The following FABP12 variants were observed in gnomAD, a reference collection of about 807,000 sequenced individuals.
FABP12 encodes the protein fatty acid-binding protein 12.
In FABP12, 19 loss-of-function variants were observed where a neutral mutation model predicts 13.7. The observed-to-expected ratio is 1.39, with a 90% CI of 0.97 to 2.04. FABP12 has a LOEUF of 2.04. Ranked by LOEUF, FABP12 falls within the 30% of genes most tolerant of loss-of-function variation. The pLI, the probability that FABP12 is intolerant of heterozygous loss-of-function variation, is 0.00. For missense variants in FABP12, 182 were observed against 164.2 expected (o/e 1.11, Z -0.59); for synonymous variants, 61 against 57.0 (o/e 1.07, Z -0.32).
intron 1 of FABP12, among the ~76,000 whole-genome samples, chr8:81,567,795 A>G (rs1308051249): frequency 6.6e-6 from 1 of 152,252 alleles, no homozygotes; most frequent in African/African-American, 2.4e-5. Flanking sequence ...CAATAAAAGC[A>G]GAAGTGGATA....
In FABP12 at chr8:81,549,228, T is replaced by TACACAC. The variant is rs10577619; in HGVS notation, c.-184-9491_-184-9486dup. On this transcript the variant is annotated intron_variant, in intron 1 of 5. Transcript: ENST00000692030. ...TCTTTCGCCTCTACACAGACACACA[T>TACACAC]ACACACACACACACACACACACACA... Among the ~76,000 whole-genome samples, 157 of 149,764 alleles carry TACACAC rather than the reference T, an allele frequency of 1.0e-3. 2 individuals are homozygous for TACACAC. Among genetic ancestry groups the TACACAC allele is most frequent in the African/African-American group, 3.7e-3 (152 of 40,746 alleles).
intron 1 of FABP12, among the ~76,000 whole-genome samples, chr8:81,579,841 T>TA (rs1206379493): frequency 4.6e-5 from 7 of 152,218 alleles, no homozygotes; most frequent in Non-Finnish European, 8.8e-5. Context: ...TTTTTATTCT[T>TA]AAAAATGTAC....
chr8:81,552,495 G>T (rs920816998), intron 1 of FABP12, among the ~76,000 whole-genome samples: 1 of 152,154 alleles, frequency 6.6e-6, no homozygotes, highest in Non-Finnish European at 1.5e-5. Flanking sequence ...GTTCACTCAG[G>T]CTACTGGATG....
intron 1 of FABP12, among the ~76,000 whole-genome samples, chr8:81,554,598 C>G (rs1005868235): frequency 1.3e-5 from 2 of 152,174 alleles, no homozygotes; most frequent in African/African-American, 4.8e-5. Flanking sequence ...CAGTAACCAA[C>G]TCATCCTGCC....
At chr8:81,573,001 T>C (rs921332036) in intron 1 of FABP12, among the ~76,000 whole-genome samples, 3 of 151,916 alleles carry the variant, frequency 2.0e-5, no homozygotes, top group African/African-American at 7.2e-5. Context: ...GCTTTTGTGT[T>C]CTTGGTCATG....
chr8:81,585,906 T>C (rs115138388), intron 1 of FABP12, among the ~76,000 whole-genome samples: 2,920 of 152,274 alleles, frequency 0.019, 66 homozygotes, highest in African/African-American at 0.056. Flanking sequence ...AAATTACATG[T>C]TGTGGGTGTT....
At chr8:81,570,827 G>A (rs1809916601) in intron 1 of FABP12, among the ~76,000 whole-genome samples, 1 of 152,104 alleles carries the variant, frequency 6.6e-6, no homozygotes, top group Admixed American at 6.5e-5. Context: ...GTTTATGAGT[G>A]GCCATGAGTG....
chr8:81,572,141 T>C (rs1456996999), intron 1 of FABP12, among the ~76,000 whole-genome samples: 1 of 149,500 alleles, frequency 6.7e-6, no homozygotes, highest in Non-Finnish European at 1.5e-5. Context: ...CAAAGTCCAT[T>C]GTATCATTCT....
At chr8:81,539,095 C>T (rs776819521) in intron 2 of FABP12, among the ~76,000 whole-genome samples, 3 of 152,126 alleles carry the variant, frequency 2.0e-5, no homozygotes, top group Non-Finnish European at 4.4e-5. Context: ...GTTATCTGCC[C>T]ACCTCGGCCT....
intron 1 of FABP12, among the ~76,000 whole-genome samples, chr8:81,568,596 A>G (rs1341583317): frequency 6.6e-6 from 1 of 152,186 alleles, no homozygotes; most frequent in Non-Finnish European, 1.5e-5. Flanking sequence ...CTAAAAATAG[A>G]ACTACCACAT....
chr8:81,553,511 AT>A (rs538151264), intron 1 of FABP12, among the ~76,000 whole-genome samples: 2 of 152,248 alleles, frequency 1.3e-5, no homozygotes, highest in African/African-American at 2.4e-5. Context: ...AATTATTATC[AT>A]TTTTTTCTGC....
At chr8:81,566,397 A>G (rs1057380014) in intron 1 of FABP12, among the ~76,000 whole-genome samples, 2 of 152,148 alleles carry the variant, frequency 1.3e-5, no homozygotes, top group Non-Finnish European at 2.9e-5. Flanking sequence ...TCTGTGATGA[A>G]CATTCATGCA....
chr8:81,561,047 C>T (rs1301465115), intron 1 of FABP12, among the ~76,000 whole-genome samples: 2 of 152,154 alleles, frequency 1.3e-5, no homozygotes, highest in Non-Finnish European at 2.9e-5. Flanking sequence ...CATGTCTTTT[C>T]TAAGAACCTC....
chr8:81,589,419 T>C (rs1263413267), intron 1 of FABP12, among the ~76,000 whole-genome samples: 2 of 151,362 alleles, frequency 1.3e-5, no homozygotes, highest in Non-Finnish European at 2.9e-5. Context: ...TTACCCTTCT[T>C]CTGTCTGCAA....
At chr8:81,541,910 TAAAAAA>T (rs1167487132) in intron 1 of FABP12, among the ~76,000 whole-genome samples, 10 of 71,148 alleles carry the variant, frequency 1.4e-4, no homozygotes, top group South Asian at 5.5e-4. Flanking sequence ...TCCCAGGGTT[TAAAAAA>T]AAAAAAAAAA....
At chr8:81,554,714 C>T (rs1563550614) in intron 1 of FABP12, among the ~76,000 whole-genome samples, 1 of 151,986 alleles carries the variant, frequency 6.6e-6, no homozygotes, top group Non-Finnish European at 1.5e-5. Flanking sequence ...ACAAGGTGTC[C>T]AATCTTTTGG....
intron 1 of FABP12, among the ~76,000 whole-genome samples, chr8:81,558,880 G>C (rs1306005611): frequency 7.7e-6 from 1 of 129,174 alleles, no homozygotes; most frequent in East Asian, 2.1e-4. Flanking sequence ...ACAAAGTAAG[G>C]CTCCATCAAA....
chr8:81,544,347 G>A (rs572203726), intron 1 of FABP12, among the ~76,000 whole-genome samples: 1 of 152,294 alleles, frequency 6.6e-6, no homozygotes, highest in Admixed American at 6.5e-5. Context: ...GGGAAAATTC[G>A]GCCTTGCCTT....
chr8:81,567,695 A>C (rs1314425302), intron 1 of FABP12, among the ~76,000 whole-genome samples: 1 of 152,254 alleles, frequency 6.6e-6, no homozygotes, highest in Admixed American at 6.5e-5. Context: ...TCCACAAACT[A>C]TGAAACTATT....
Sources: allele counts gnomAD v4.1 joint callset (sites outside exome capture counted in the v4.1 genomes callset), GRCh38; gene constraint gnomAD v4.1.1; transcripts MANE v1.5; gene names NCBI Gene and HGNC (gene_info 2026-07-23, HGNC 2026-07-21).